Variants in ELK4 observed in about 807,000 individuals in gnomAD.
ELK4 encodes ETS transcription factor ELK4, also known as ETS domain-containing protein Elk-4.
Under a neutral mutation model 29.6 loss-of-function variants are expected in ELK4, and 16 were observed. The observed-to-expected ratio is 0.54, with a 90% CI of 0.37 to 0.82. The LOEUF is 0.82. Ranked by LOEUF, ELK4 falls within the 40% of genes least tolerant of loss-of-function variation. ELK4 has a pLI of 0.00. For missense variants in ELK4, 465 were observed against 507.1 expected, an observed-to-expected ratio of 0.92 and a Z score of 0.80; for synonymous variants, 213 against 191.1, an observed-to-expected ratio of 1.11 and a Z score of -0.95.
rs907141366 is a variant in ELK4, at chr1:205,611,529, A to G, written c.*5017T>C. 3 of 206,952 alleles carry G rather than the reference A, an allele frequency of 1.4e-5. No homozygotes were observed. The highest frequency in any genetic ancestry group is 7.3e-5 in the East Asian group (1 of 13,700). 12.8% of individuals were successfully genotyped at this position (206,952 alleles called of 1,614,324 possible). A position where few individuals can be genotyped will look rare whatever the true frequency, so the allele number is the denominator to read the frequency against. ...GATCCCAAACCAAGAATATAATTCT[A>G]TTTTCCACAGAACCCAGTCTCTGGT... is the stretch of plus-strand genomic sequence containing the variant. On this transcript the variant is annotated 3_prime_UTR_variant, in exon 5 of 5. Transcript: ENST00000357992.
At chr1:205,621,982 C>G (rs1670361081) in intron 2 of ELK4, among the ~76,000 whole-genome samples, 1 of 151,782 alleles carries the variant, frequency 6.6e-6, no homozygotes, top group Admixed American at 6.6e-5. Flanking sequence ...GAGGCCAAGG[C>G]AGGTGGACTG....
intron 1 of ELK4, among the ~76,000 whole-genome samples, chr1:205,624,455 T>C (rs890024814): frequency 6.6e-6 from 1 of 152,144 alleles, no homozygotes; most frequent in African/African-American, 2.4e-5. Flanking sequence ...CTGGTTTCCA[T>C]CACCATAAAT....
chr1:205,623,810 A>G lies in ELK4; in HGVS notation c.73T>C (p.Cys25Arg), dbSNP rs781283328. The G allele has an allele frequency of 1.9e-6, 3 of 1,614,214 alleles. No individual in the cohort carries two copies. The highest frequency in any genetic ancestry group is 1.7e-5 in the Admixed American group (1 of 60,028). ...AACTGCCCATCATTAGAGGTCCAAC[A>G]GATCATGTGCTTGTTCTGAGGCTTC... ...LQKPQNKHMI[C>R]WTSNDGQFKL... is the part of the protein sequence containing the mutation. The change falls in exon 2 of 5, where the codon TGT becomes CGT. Residue 25 changes from cysteine (C) to arginine (R), a missense_variant. Physicochemically the swap from Cys to Arg is radical, Grantham distance 180. Coordinates refer to ENST00000357992, the MANE Select transcript of ELK4 (RefSeq NM_001973.4).
Position 205,620,268 on chromosome 1 carries a change from G to A in ELK4, c.778C>T (p.Pro260Ser), listed in dbSNP as rs142937236. ...ATTPPISSIP[P>S]LQEPPRTPSP... is the part of the protein sequence containing the mutation. ...GGTGTTCTGGGAGGTTCCTGCAAAG[G>A]GGGTATGGACGAAATGGGTGGTGTG... The change falls in exon 3 of 5, where the codon CCT becomes TCT. Residue 260 changes from proline (P) to serine (S), a missense_variant. Physicochemically the swap from Pro to Ser is moderately conservative, Grantham distance 74 (BLOSUM62 -1). Around this residue, in one of 2 missense-constraint regions of ELK4, gnomAD observed 385 missense variants for 387.5 expected, o/e 0.99. Transcript: ENST00000357992. 3.1e-6 allele frequency: 5 copies of A among 1,614,092 alleles called. No homozygotes were observed. The highest frequency in any genetic ancestry group is 2.2e-5 in the South Asian group (2 of 91,078).
intron 1 of ELK4, among the ~76,000 whole-genome samples, chr1:205,628,124 C>T (rs1283072754): frequency 6.6e-6 from 1 of 152,202 alleles, no homozygotes; most frequent in East Asian, 1.9e-4. Flanking sequence ...TGCCAAATAA[C>T]CATGCCCGCT....
chr1:205,609,667 T>G lies in ELK4; in HGVS notation c.*6879A>C, dbSNP rs1240081384. On this transcript the variant is annotated 3_prime_UTR_variant, in exon 5 of 5. Transcript: ENST00000357992. ...GTAACAAAACAATGAAATGTCAGGATTGTGTCCCCTACACAATAGACAATA... is the reference window on the plus strand; with the variant it reads ...GTAACAAAACAATGAAATGTCAGGAGTGTGTCCCCTACACAATAGACAATA... 3 of 206,254 alleles carry G rather than the reference T, an allele frequency of 1.5e-5. No homozygotes were observed. Among genetic ancestry groups the G allele is most frequent in the Non-Finnish European group, 3.0e-5 (3 of 100,806 alleles). 12.8% of individuals were successfully genotyped at this position (206,254 alleles called of 1,614,324 possible). A position where few individuals can be genotyped will look rare whatever the true frequency, so the allele number is the denominator to read the frequency against.
rs935573179 is a variant in ELK4 at position 205,614,200 on chromosome 1, G to T, written c.*2346C>A. ...GGTTTACTAGGAAGTTGCTTCAACT[G>T]AGTTTCAATGGTGCCCTTGGTTCCA... On this transcript the variant is annotated 3_prime_UTR_variant, in exon 5 of 5. Coordinates refer to ENST00000357992, the MANE Select transcript of ELK4 (RefSeq NM_001973.4). The T allele has an allele frequency of 9.1e-6, 2 of 220,130 alleles. No homozygotes were observed. Among genetic ancestry groups the T allele is most frequent in the African/African-American group, 4.5e-5 (2 of 44,638 alleles). The allele number at this position is 220,130 out of a possible 1,614,324, so 13.6% of individuals were successfully genotyped here. A position where few individuals can be genotyped will look rare whatever the true frequency, so the allele number is the denominator to read the frequency against.
At chr1:205,619,687 C>A (rs4951015) in intron 3 of ELK4, 1 of 1,412,932 alleles carries the variant, frequency 7.1e-7, no homozygotes. Flanking sequence ...CGAGAGAGAG[C>A]GAGAGAGTGT....
At chr1:205,627,722 T>C (rs1461463290) in intron 1 of ELK4, among the ~76,000 whole-genome samples, 2 of 152,144 alleles carry the variant, frequency 1.3e-5, no homozygotes, top group Admixed American at 6.5e-5. Context: ...ATGGGATTCT[T>C]AAGGGTCAAC....
intron 3 of ELK4, chr1:205,619,731 A>T: frequency 6.9e-7 from 1 of 1,457,526 alleles, no homozygotes; most frequent in Non-Finnish European, 9.0e-7. Context: ...AGAAAAATCA[A>T]AATATTTATT....
intron 4 of ELK4, among the ~76,000 whole-genome samples, chr1:205,617,965 A>G (rs575743073): frequency 6.5e-4 from 96 of 147,602 alleles, no homozygotes; most frequent in African/African-American, 2.3e-3. Context: ...TCCCCCATAT[A>G]TGTGTGTGTG....
At position 205,616,764 on chromosome 1, in the gene ELK4, G is replaced by A. The variant is rs1020136959; in HGVS notation, c.1198-120C>T. The A allele has an allele frequency of 2.6e-5, 18 of 697,588 alleles. No individual in the cohort carries two copies. The African/African-American group carries it at 3.0e-4, about 12-fold the overall frequency. 43.2% of individuals were successfully genotyped at this position (697,588 alleles called of 1,614,324 possible). Reference sequence around the variant, plus strand: ...CTTCTGTAATGGCTCACAGGACAAAGGCAGTGGCTGTTTATCATGAAAGAA... The same window carrying A: ...CTTCTGTAATGGCTCACAGGACAAAAGCAGTGGCTGTTTATCATGAAAGAA... On this transcript the variant is annotated intron_variant, in intron 4 of 4. Coordinates refer to ENST00000357992, the MANE Select transcript of ELK4 (RefSeq NM_001973.4).
In ELK4 at chr1:205,620,629, A is replaced by C. The variant is rs774100312; in HGVS notation, c.417T>G (p.Asn139Lys). The change falls in exon 3 of 5, where the codon AAT becomes AAG. Residue 139 changes from asparagine to lysine, a missense_variant. Coordinates refer to ENST00000357992, the MANE Select transcript of ELK4 (RefSeq NM_001973.4). ...AATATAAGCCAGAGTGTATGTAGTCATTGCGGCTAGAGGTCTTGGCACCAG... is the reference window on the plus strand; with the variant it reads ...AATATAAGCCAGAGTGTATGTAGTCCTTGCGGCTAGAGGTCTTGGCACCAG... ...PQPGAKTSSR[N>K]DYIHSGLYSS... 6.2e-7 allele frequency: 1 copy of C among 1,614,194 alleles called. No individual in the cohort carries two copies. The highest frequency in any genetic ancestry group is 1.7e-5 in the Admixed American group (1 of 60,020).
intron 4 of ELK4, among the ~76,000 whole-genome samples, chr1:205,617,933 A>G (rs1670261684): frequency 6.6e-6 from 1 of 152,094 alleles, no homozygotes; most frequent in Admixed American, 6.5e-5. Flanking sequence ...TTTAATTAAA[A>G]GAGGGAACCT....
chr1:205,626,761 G>C (rs1670473590), intron 1 of ELK4, among the ~76,000 whole-genome samples: 1 of 152,152 alleles, frequency 6.6e-6, no homozygotes, highest in South Asian at 2.1e-4. Flanking sequence ...AGCCACTTTG[G>C]ACAAGTTTAA....
chr1:205,612,261 G>A lies in ELK4; in HGVS notation c.*4285C>T, dbSNP rs187133653. 2 of 205,400 alleles carry A rather than the reference G, an allele frequency of 9.7e-6. No homozygotes were observed. Among genetic ancestry groups the A allele is most frequent in the East Asian group, 7.5e-5 (1 of 13,386 alleles). The allele number at this position is 205,400 out of a possible 1,614,324, so 12.7% of individuals were successfully genotyped here. On this transcript the variant is annotated 3_prime_UTR_variant, in exon 5 of 5. Transcript: ENST00000357992. ...GGATTTCTCCATATATCATAAGAGA[G>A]CATCATATATGTTTGGAGATTAGAA...
Position 205,611,969 on chromosome 1 carries a change from T to C in ELK4, c.*4577A>G, listed in dbSNP as rs1670156580. The C allele has an allele frequency of 5.4e-6, 1 of 186,430 alleles. No homozygotes were observed. The highest frequency in any genetic ancestry group is 1.1e-5 in the Non-Finnish European group (1 of 88,116). The allele number at this position is 186,430 out of a possible 1,614,324, so 11.5% of individuals were successfully genotyped here. A position where few individuals can be genotyped will look rare whatever the true frequency, so the allele number is the denominator to read the frequency against. ...CAGCAAGAAAATGTAACTTGTTATA[T>C]ATTTTAACATAAAGCAACTTGAAAT... On this transcript the variant is annotated 3_prime_UTR_variant, in exon 5 of 5. Transcript: ENST00000357992.
intron 1 of ELK4, among the ~76,000 whole-genome samples, chr1:205,631,169 G>A (rs1405268681): frequency 1.3e-5 from 2 of 152,304 alleles, no homozygotes; most frequent in East Asian, 3.9e-4. Context: ...AAAAAGAAAT[G>A]AAACTCGACA....
Position 205,608,648 on chromosome 1 carries a change from A to AC in ELK4, c.*7897dup, listed in dbSNP as rs992930294. ...GTAAATTATGCTGAAATCAACTAAG[A>AC]CGAGCTATTATTAACACTTTAACAG... On this transcript the variant is annotated 3_prime_UTR_variant, in exon 5 of 5. Transcript: ENST00000357992. 11 of 197,214 alleles carry AC rather than the reference A, an allele frequency of 5.6e-5. No homozygotes were observed. The highest frequency in any genetic ancestry group is 2.5e-4 in the African/African-American group (11 of 43,364). The allele number at this position is 197,214 out of a possible 1,614,324, so 12.2% of individuals were successfully genotyped here.
Sources: gnomAD v4.1 joint callset for allele counts (sites outside exome capture counted in the v4.1 genomes callset) on GRCh38, gnomAD v4.1.1 for gene constraint, gnomAD v4.1.1 regional missense constraint, MANE v1.5 for transcripts, NCBI Gene and HGNC (gene_info 2026-07-23, HGNC 2026-07-21) for gene names.